Variants in C16orf96 observed in about 807,000 individuals in gnomAD.
C16orf96 encodes chromosome 16 open reading frame 96.
Under a neutral mutation model 103.6 loss-of-function variants are expected in C16orf96, and 108 were observed. The observed-to-expected ratio is 1.04, with a 90% CI of 0.89 to 1.22. The LOEUF (loss-of-function observed/expected upper bound fraction) is 1.22. Ranked by LOEUF, C16orf96 falls within the 50% of genes most tolerant of loss-of-function variation. C16orf96 has a pLI of 0.00. For synonymous variants in C16orf96, 566 were observed against 593.5 expected (o/e 0.95, Z 0.67); for missense variants, 1,586 against 1,464.2 (o/e 1.08, Z -1.36).
chr16:4,593,105 G>A lies in C16orf96; in HGVS notation c.2775-119G>A. The A allele has an allele frequency of 1.1e-6, 1 of 946,832 alleles. No homozygotes were observed. Among genetic ancestry groups the A allele is most frequent in the Non-Finnish European group, 1.6e-6 (1 of 614,136 alleles). The allele number at this position is 946,832 out of a possible 1,614,324, so 58.7% of individuals were successfully genotyped here. A position where few individuals can be genotyped will look rare whatever the true frequency, so the allele number is the denominator to read the frequency against. On this transcript the variant is annotated intron_variant, in intron 11 of 15. Transcript: ENST00000444310. This position sits in a 1 kb window ranked among gnomAD's most constrained non-coding sequence, Gnocchi z 4.2. The stretch of plus-strand genomic sequence containing the variant: ...GACGCTTCTGGCATTCGAGGGTGGT[G>A]ACCTGAGTCTGCACCTCCTTCCTCC...
chr16:4,553,550 C>T (rs2059240062), upstream of C16orf96, among the ~76,000 whole-genome samples: 1 of 152,080 alleles, frequency 6.6e-6, no homozygotes, highest in South Asian at 2.1e-4. Flanking sequence ...GTTGTGCAGG[C>T]TGGTCTCACG....
At chr16:4,552,236 C>G (rs2059232433), upstream of C16orf96, among the ~76,000 whole-genome samples, 1 of 152,082 alleles carries the variant, frequency 6.6e-6, no homozygotes, top group African/African-American at 2.4e-5. Flanking sequence ...AATCCCAGCA[C>G]TTTGGGAGGC....
intron 1 of C16orf96, among the ~76,000 whole-genome samples, chr16:4,565,455 AG>A (rs1200416089): frequency 1.3e-5 from 2 of 152,198 alleles, no homozygotes; most frequent in Non-Finnish European, 2.9e-5. Flanking sequence ...TATCACACAG[AG>A]GGGGAGGTTG....
At chr16:4,545,833 C>T in the C16orf96 span, among the ~76,000 whole-genome samples, 1 of 152,182 alleles carries the variant, frequency 6.6e-6, no homozygotes, top group East Asian at 1.9e-4. Flanking sequence ...CTGTCCAGCT[C>T]TGGTTTTCTT....
chr16:4,595,533 G>A (rs938301697), intron 14 of C16orf96, among the ~76,000 whole-genome samples: 1 of 152,194 alleles, frequency 6.6e-6, no homozygotes, highest in African/African-American at 2.4e-5. Flanking sequence ...ACAAAAAGAG[G>A]AGCCTTCTCT....
At chr16:4,575,144 A>T in intron 4 of C16orf96, 30 bp from the exon 5 acceptor site, 1 of 1,545,836 alleles carries the variant, frequency 6.5e-7, no homozygotes, top group South Asian at 1.2e-5. Flanking sequence ...GCTGGAAGCC[A>T]GCAGAGCCCC....
intron 2 of C16orf96, among the ~76,000 whole-genome samples, chr16:4,573,625 A>G (rs1412625369): frequency 6.7e-6 from 1 of 150,172 alleles, no homozygotes; most frequent in Non-Finnish European, 1.5e-5. Flanking sequence ...GGTGGCAGGT[A>G]CCTGTAGTCC....
intron 2 of C16orf96, among the ~76,000 whole-genome samples, chr16:4,572,558 C>T (rs1596522615): frequency 6.6e-6 from 1 of 152,088 alleles, no homozygotes; most frequent in Admixed American, 6.6e-5. Flanking sequence ...GCCTCAGCCT[C>T]CCAAAGTGCC....
At chr16:4,545,166 C>A in the C16orf96 span, among the ~76,000 whole-genome samples, 146,841 of 152,226 alleles carry the variant, frequency 0.96, 71,049 homozygotes, top group East Asian at 1. Flanking sequence ...TCCTCTCCCC[C>A]GCCAGACCTC....
At chr16:4,581,100 G>T (rs1368246505) in intron 7 of C16orf96, among the ~76,000 whole-genome samples, 2 of 134,800 alleles carry the variant, frequency 1.5e-5, no homozygotes, top group African/African-American at 2.7e-5. Flanking sequence ...CTCCAGCTTG[G>T]GTAACAAGAG....
intron 1 of C16orf96, among the ~76,000 whole-genome samples, chr16:4,558,505 A>G (rs1185989762): frequency 6.6e-6 from 1 of 152,038 alleles, no homozygotes; most frequent in Admixed American, 6.6e-5. Flanking sequence ...GTCTTACCTC[A>G]GGAGGCTGAG....
upstream of C16orf96, among the ~76,000 whole-genome samples, chr16:4,554,607 G>A (rs144715583): frequency 7.3e-3 from 1,098 of 150,396 alleles, 14 homozygotes; most frequent in African/African-American, 0.023. Context: ...TGCCCGCCTC[G>A]GCCTCCCAAA....
chr16:4,587,830 G>A (rs1026900813), intron 8 of C16orf96, among the ~76,000 whole-genome samples: 3 of 151,978 alleles, frequency 2.0e-5, no homozygotes, highest in African/African-American at 7.3e-5. Flanking sequence ...CAGCCACTCA[G>A]GAGGCTGAGG....
rs1897095666 is a variant in C16orf96 at position 4,593,078 on chromosome 16, TG to T, written c.2775-144del. The T allele has an allele frequency of 1.4e-6, 1 of 712,710 alleles. No homozygotes were observed. Among genetic ancestry groups the T allele is most frequent in the Non-Finnish European group, 2.4e-6 (1 of 417,006 alleles). The allele number at this position is 712,710 out of a possible 1,614,324, so 44.1% of individuals were successfully genotyped here. The stretch of plus-strand genomic sequence containing the variant: ...GGGGGCCCCTTCTACTTCTATGCTG[TG>T]GACGCTTCTGGCATTCGAGGGTGGT... On this transcript the variant is annotated intron_variant, in intron 11 of 15. Transcript: ENST00000444310. The surrounding 1 kb of genome is among the most constrained non-coding windows in gnomAD (Gnocchi z 4.2).
chr16:4,538,752 GGCA>G, the C16orf96 span: 2 of 152,230 alleles, frequency 1.3e-5, no homozygotes, highest in Admixed American at 1.3e-4. Flanking sequence ...CGAACGCCTC[GGCA>G]GCTGGCAGTC....
At chr16:4,585,674 G>A (rs1878036992) in intron 7 of C16orf96, among the ~76,000 whole-genome samples, 2 of 152,126 alleles carry the variant, frequency 1.3e-5, no homozygotes, top group Admixed American at 6.6e-5. Flanking sequence ...CACTCTTGGG[G>A]TTCTGGAGGC....
At chr16:4,562,780 C>T in intron 1 of C16orf96, 1 of 1,037,128 alleles carries the variant, frequency 9.6e-7, no homozygotes, top group East Asian at 2.5e-5. Context: ...ACAACTAGAA[C>T]AGTACAGGTT....
rs2059497683 is a variant in C16orf96 at position 4,575,776 on chromosome 16, A to C, written c.1296A>C (p.Ser432=). The stretch of plus-strand genomic sequence containing the variant: ...CACCACCAGCCACTGAGTTTGGCTC[A>C]TTGTGGCCTCGACCACTCCAGCCAT... The part of the protein sequence containing the change: ...RAPPPATEFG[S]LWPRPLQPYQ... The change falls in exon 5 of 16, where the codon TCA becomes TCC. Residue 432 remains serine, a synonymous_variant. Coordinates refer to ENST00000444310, the MANE Select transcript of C16orf96 (RefSeq NM_001145011.2). The C allele has an allele frequency of 6.5e-7, 1 of 1,550,118 alleles. No homozygotes were observed. Among genetic ancestry groups the C allele is most frequent in the South Asian group, 1.2e-5 (1 of 83,990 alleles).
At chr16:4,554,427 T>C (rs2141683348), upstream of C16orf96, among the ~76,000 whole-genome samples, 1 of 151,944 alleles carries the variant, frequency 6.6e-6, no homozygotes, top group South Asian at 2.1e-4. Context: ...CTCGGTTCAC[T>C]GCAAGCTCCG....
Sources: gnomAD v4.1 joint callset for allele counts (sites outside exome capture counted in the v4.1 genomes callset) on GRCh38, gnomAD v4.1.1 for gene constraint, Gnocchi (gnomAD v3.1) non-coding constraint, MANE v1.5 for transcripts, NCBI Gene and HGNC (gene_info 2026-07-23, HGNC 2026-07-21) for gene names.